The following MLIP variants were observed in gnomAD, a reference collection of about 807,000 sequenced individuals.
The protein encoded by MLIP is muscular LMNA interacting protein.
Under a neutral mutation model 84.8 loss-of-function variants are expected in MLIP, and 79 were observed. The ratio of observed to expected loss-of-function variants is 0.93; its 90% CI spans 0.78 to 1.12. MLIP has a LOEUF of 1.12. MLIP is among the 50% of genes most tolerant of loss of function. The pLI is 0.00. For synonymous variants in MLIP, 504 were observed against 463.0 expected (o/e 1.09, Z -1.14); for missense variants, 1,257 against 1,160.6 (o/e 1.08, Z -1.21).
At chr6:54,208,033 C>A (rs993045303) in intron 11 of MLIP, among the ~76,000 whole-genome samples, 1 of 151,792 alleles carries the variant, frequency 6.6e-6, no homozygotes, top group African/African-American at 2.4e-5. Flanking sequence ...GAGGCTGAGG[C>A]GGGAGAATGG....
intron 11 of MLIP, chr6:54,216,551 T>C (rs1025352749): frequency 2.0e-6 from 2 of 984,218 alleles, no homozygotes; most frequent in Non-Finnish European, 2.4e-6. Flanking sequence ...CCATACACTT[T>C]AAGCACTAAG....
intron 1 of MLIP, among the ~76,000 whole-genome samples, chr6:54,112,985 G>A (rs1304861017): frequency 1.3e-5 from 2 of 152,100 alleles, no homozygotes; most frequent in Non-Finnish European, 2.9e-5. Context: ...TACTTAAGTA[G>A]CATTGAATTA....
chr6:54,059,786 AAG>A (rs2150330162), intron 1 of MLIP, among the ~76,000 whole-genome samples: 1 of 101,810 alleles, frequency 9.8e-6, no homozygotes, highest in South Asian at 3.4e-4. Context: ...TAAAGAGAAA[AAG>A]AGAGCAATGG....
chr6:54,145,176 G>A (rs1772671738), intron 4 of MLIP, among the ~76,000 whole-genome samples: 1 of 152,166 alleles, frequency 6.6e-6, no homozygotes, highest in Non-Finnish European at 1.5e-5. Flanking sequence ...CCTATGATTA[G>A]CTAATGTTTA....
chr6:54,191,280 A>G (rs980906410), intron 10 of MLIP, among the ~76,000 whole-genome samples: 28 of 152,210 alleles, frequency 1.8e-4, no homozygotes, highest in African/African-American at 6.8e-4. Flanking sequence ...TGTCATTATT[A>G]TCCCAATAAA....
intron 12 of MLIP, among the ~76,000 whole-genome samples, chr6:54,251,949 TA>T (rs1396406960): frequency 6.6e-5 from 5 of 76,086 alleles, no homozygotes; most frequent in South Asian, 4.2e-4. Flanking sequence ...ATATAATATA[TA>T]ATATAAATAT....
chr6:54,119,417 A>G (rs1478234919), intron 1 of MLIP, among the ~76,000 whole-genome samples: 1 of 152,244 alleles, frequency 6.6e-6, no homozygotes, highest in Non-Finnish European at 1.5e-5. Context: ...TGTTATGTTA[A>G]GTGGAATAAG....
intron 10 of MLIP, among the ~76,000 whole-genome samples, chr6:54,200,455 G>C (rs1360040389): frequency 2.0e-5 from 3 of 150,352 alleles, no homozygotes; most frequent in African/African-American, 7.5e-5. Flanking sequence ...GAAAGTGCAG[G>C]AAGTGCAGGA....
At chr6:54,091,572 T>A (rs1582118232) in intron 1 of MLIP, among the ~76,000 whole-genome samples, 1 of 151,828 alleles carries the variant, frequency 6.6e-6, no homozygotes. Context: ...GAAAGGTGGG[T>A]TTTCAAGATC....
chr6:54,077,467 A>G (rs1766874781), intron 1 of MLIP, among the ~76,000 whole-genome samples: 1 of 152,122 alleles, frequency 6.6e-6, no homozygotes, highest in Middle Eastern at 3.2e-3. Flanking sequence ...TCTATGAAAA[A>G]CAGACTACAT....
At chr6:54,123,139 G>T (rs1039832404) in intron 2 of MLIP, among the ~76,000 whole-genome samples, 4 of 147,386 alleles carry the variant, frequency 2.7e-5, no homozygotes, top group East Asian at 2.0e-4. Context: ...GTTTAACCTT[G>T]TTAGCCAGGA....
Position 54,051,911 on chromosome 6 carries a change from T to C in MLIP, c.63+32820T>C, listed in dbSNP as rs564755791. Reference sequence around the variant, plus strand: ...GGTAACAAATACAATTCAAATTGCCTTTTAAAAATGGGAATTTATTGCTTG... The same window carrying C: ...GGTAACAAATACAATTCAAATTGCCCTTTAAAAATGGGAATTTATTGCTTG... On this transcript the variant is annotated intron_variant, in intron 1 of 12. Coordinates refer to the MLIP transcript ENST00000274897. 9.2e-5 allele frequency among the ~76,000 whole-genome samples: 14 copies of C among 152,280 alleles called. No individual in the cohort carries two copies. In the South Asian group the frequency reaches 2.9e-3, roughly 32 times the overall value.
intron 4 of MLIP, among the ~76,000 whole-genome samples, chr6:54,143,286 C>T (rs1049880930): frequency 2.0e-5 from 3 of 149,994 alleles, no homozygotes; most frequent in African/African-American, 7.4e-5. Context: ...GGCGCAATCT[C>T]GGCTCACTGC....
intron 1 of MLIP, among the ~76,000 whole-genome samples, chr6:54,055,801 T>G (rs951162935): frequency 6.6e-6 from 1 of 152,106 alleles, no homozygotes; most frequent in Non-Finnish European, 1.5e-5. Context: ...GATCAGGGAC[T>G]GCCGAGAAGG....
In MLIP at chr6:54,202,147, A is replaced by G; in HGVS notation, c.2632A>G (p.Ile878Val). The part of the protein sequence containing the change: ...VIRPVPVKSR[I>V]LLKKEEEVYE... ...TCGCCCAGTACCTGTAAAATCCAGAATATTACTGAAAAAAGAGGAGGAAGT... is the reference window on the plus strand; with the variant it reads ...TCGCCCAGTACCTGTAAAATCCAGAGTATTACTGAAAAAAGAGGAGGAAGT... Residue 878 changes from isoleucine (I) to valine (V), a missense_variant, in exon 11 of 14, where the codon ATA becomes GTA. Ile to Val is a conservative substitution (Grantham distance 29). Coordinates refer to ENST00000502396, the MANE Select transcript of MLIP (RefSeq NM_001281747.2). 1 of 1,604,110 alleles carries G rather than the reference A, an allele frequency of 6.2e-7. No homozygotes were observed. The highest frequency in any genetic ancestry group is 8.5e-7 in the Non-Finnish European group (1 of 1,174,178).
intron 9 of MLIP, among the ~76,000 whole-genome samples, chr6:54,179,063 A>G (rs147965066): frequency 1.1e-3 from 164 of 152,246 alleles, no homozygotes; most frequent in East Asian, 6.6e-3. Context: ...TTTGCTTTAT[A>G]TATCTGGGTG....
intron 1 of MLIP, among the ~76,000 whole-genome samples, chr6:54,087,888 G>A (rs1258449833): frequency 1.3e-5 from 2 of 151,476 alleles, no homozygotes; most frequent in South Asian, 2.1e-4. Context: ...GCCAGGCAGC[G>A]ATCAGGCTTT....
At chr6:54,114,091 G>A (rs74780537) in intron 1 of MLIP, among the ~76,000 whole-genome samples, 1,906 of 152,254 alleles carry the variant, frequency 0.013, 48 homozygotes, top group African/African-American at 0.042. Context: ...TGATGTTTCA[G>A]CCTTTTAAAA....
intron 1 of MLIP, among the ~76,000 whole-genome samples, chr6:54,059,636 G>A (rs1765851424): frequency 6.6e-6 from 1 of 152,156 alleles, no homozygotes; most frequent in African/African-American, 2.4e-5. Context: ...CAATTAATGA[G>A]TGAACAACCC....
Sources: gnomAD v4.1 joint callset for allele counts (sites outside exome capture counted in the v4.1 genomes callset) on GRCh38, gnomAD v4.1.1 for gene constraint, MANE v1.5 for transcripts, NCBI Gene and HGNC (gene_info 2026-07-23, HGNC 2026-07-21) for gene names.